Variants in GRAMD1B observed in about 807,000 individuals in gnomAD.
The protein encoded by GRAMD1B is protein Aster-B.
A neutral mutation model predicts 99.7 loss-of-function variants in GRAMD1B; 37 were observed. That is an observed-to-expected ratio of 0.37 (90% confidence interval 0.29 to 0.49). GRAMD1B has a LOEUF of 0.49. Among genes scored for constraint, GRAMD1B ranks in the 20% least tolerant of loss-of-function variants. GRAMD1B has a pLI of 0.98. For synonymous variants in GRAMD1B, 427 were observed against 387.6 expected (o/e 1.10, Z -1.19); for missense variants, 888 against 1,009.2 (o/e 0.88, Z 1.63).
chr11:123,462,131 C>T (rs746862891), intron 1 of GRAMD1B, among the ~76,000 whole-genome samples: 12 of 151,746 alleles, frequency 7.9e-5, no homozygotes, highest in Non-Finnish European at 1.6e-4. Flanking sequence ...CATGCCTGGC[C>T]AATTTTTCTG....
In GRAMD1B at chr11:123,613,507, A is replaced by G. The variant is rs1188854994; in HGVS notation, c.2076A>G (p.Gln692=). The change falls in exon 16 of 20, where the codon CAA becomes CAG. Residue 692 remains glutamine, a synonymous_variant. Coordinates refer to ENST00000635736, the MANE Select transcript of GRAMD1B (RefSeq NM_001387025.1). ...CTTATTTGGCTGAGATGCACAGACA[A>G]TCTCCCAAAGAGAAGGCCAGCAAGA... is the stretch of plus-strand genomic sequence containing the variant. ...ESTYLAEMHR[Q]SPKEKASKTT... 3 of 1,613,282 alleles carry G rather than the reference A, an allele frequency of 1.9e-6. No individual in the cohort carries two copies. The highest frequency in any genetic ancestry group is 2.2e-5 in the East Asian group (1 of 44,854).
chr11:123,480,504 G>A (rs1402853898), intron 1 of GRAMD1B, among the ~76,000 whole-genome samples: 1 of 152,176 alleles, frequency 6.6e-6, no homozygotes, highest in Non-Finnish European at 1.5e-5. Flanking sequence ...AGTGGGTAGA[G>A]AGAATGCTGG....
At chr11:123,491,309 A>C (rs190918316) in intron 2 of GRAMD1B, among the ~76,000 whole-genome samples, 2 of 152,274 alleles carry the variant, frequency 1.3e-5, no homozygotes, top group South Asian at 2.1e-4. Context: ...ATTCTGTTCC[A>C]GAAATATGTC....
At chr11:123,413,875 G>A (rs1209745159) in intron 1 of GRAMD1B, among the ~76,000 whole-genome samples, 1 of 152,300 alleles carries the variant, frequency 6.6e-6, no homozygotes, top group Non-Finnish European at 1.5e-5. Context: ...AGATAGGACT[G>A]TATCTGCAGA....
At chr11:123,475,703 C>G (rs947446860) in intron 1 of GRAMD1B, among the ~76,000 whole-genome samples, 5 of 152,202 alleles carry the variant, frequency 3.3e-5, no homozygotes, top group African/African-American at 1.2e-4. Context: ...ACAGTTTCAT[C>G]TGTTAGTGCC....
At chr11:123,593,959 G>A (rs1056911486) in intron 4 of GRAMD1B, 123 bp from the exon 5 acceptor site, 2 of 703,134 alleles carry the variant, frequency 2.8e-6, no homozygotes, top group Non-Finnish European at 5.2e-6. Flanking sequence ...CCTAGGGTCT[G>A]TGGGAGGGCA....
chr11:123,376,975 C>T (rs1236025148), intron 1 of GRAMD1B, among the ~76,000 whole-genome samples: 2 of 152,162 alleles, frequency 1.3e-5, no homozygotes, highest in Non-Finnish European at 2.9e-5. Flanking sequence ...ATCTTAAACC[C>T]ATAAAAAGTA....
intron 1 of GRAMD1B, among the ~76,000 whole-genome samples, chr11:123,445,368 A>G (rs1949590446): frequency 6.6e-6 from 1 of 152,090 alleles, no homozygotes; most frequent in Non-Finnish European, 1.5e-5. Context: ...GTTGATTTTC[A>G]GGGTTGGATG....
intron 2 of GRAMD1B, 30 bp from the exon 3 acceptor site, chr11:123,577,337 C>A: frequency 1.3e-6 from 2 of 1,538,876 alleles, no homozygotes; most frequent in Non-Finnish European, 1.8e-6. Flanking sequence ...CTCTTTCCAC[C>A]CCGCTCCCTC....
At chr11:123,526,166 C>T (rs1000352545) in intron 2 of GRAMD1B, 2 of 1,613,104 alleles carry the variant, frequency 1.2e-6, no homozygotes, top group Non-Finnish European at 1.7e-6. Context: ...GATTCAAGCT[C>T]TCCTGGTAAG....
At chr11:123,444,739 C>T (rs1011885775) in intron 1 of GRAMD1B, among the ~76,000 whole-genome samples, 2 of 152,120 alleles carry the variant, frequency 1.3e-5, no homozygotes, top group African/African-American at 2.4e-5. Flanking sequence ...CCTGGACACA[C>T]CACCCTCCCA....
chr11:123,561,270 C>T (rs539737816), intron 2 of GRAMD1B, among the ~76,000 whole-genome samples: 1 of 152,308 alleles, frequency 6.6e-6, no homozygotes, highest in African/African-American at 2.4e-5. Flanking sequence ...CTGCTGGCTT[C>T]CCTCCGCAGT....
chr11:123,599,774 G>A (rs934072918), intron 7 of GRAMD1B, among the ~76,000 whole-genome samples: 2 of 152,150 alleles, frequency 1.3e-5, no homozygotes, highest in South Asian at 2.1e-4. Flanking sequence ...CGCTCTGCCT[G>A]GTTTGACCTA....
Position 123,540,029 on chromosome 11 carries a change from T to C in GRAMD1B, c.453-37338T>C, listed in dbSNP as rs149398156. On this transcript the variant is annotated intron_variant, in intron 2 of 19. Transcript: ENST00000635736. ...TATCATTCTGTCTTTTATAACATAT[T>C]AAATCTTCTCTAAGAGTAAAGAGTT... 4.1e-3 allele frequency among the ~76,000 whole-genome samples: 624 copies of C among 152,238 alleles called. 11 individuals carry two copies. The highest frequency in any genetic ancestry group is 0.014 in the African/African-American group (593 of 41,542).
chr11:123,405,654 G>T (rs527860552), intron 1 of GRAMD1B, among the ~76,000 whole-genome samples: 5 of 152,262 alleles, frequency 3.3e-5, no homozygotes, highest in African/African-American at 1.2e-4. Flanking sequence ...CAGAGAATTA[G>T]GAACTTTGGG....
At chr11:123,545,891 C>G (rs896412870) in intron 2 of GRAMD1B, among the ~76,000 whole-genome samples, 1 of 152,204 alleles carries the variant, frequency 6.6e-6, no homozygotes, top group Admixed American at 6.5e-5. Context: ...TGAGCCCAGG[C>G]TAGTCCTCAG....
chr11:123,578,992 C>G (rs1035332685), intron 3 of GRAMD1B, among the ~76,000 whole-genome samples: 1 of 152,208 alleles, frequency 6.6e-6, no homozygotes, highest in African/African-American at 2.4e-5. Flanking sequence ...CCTGGGCACC[C>G]CTTAGCATTT....
intron 2 of GRAMD1B, among the ~76,000 whole-genome samples, chr11:123,505,104 A>G (rs190418555): frequency 3.2e-4 from 48 of 152,228 alleles, no homozygotes; most frequent in Admixed American, 3.0e-3. Flanking sequence ...TTCGGCAAGT[A>G]TCTCCTGTTG....
chr11:123,425,117 G>A (rs965225669), intron 1 of GRAMD1B, among the ~76,000 whole-genome samples: 6 of 152,172 alleles, frequency 3.9e-5, no homozygotes, highest in Non-Finnish European at 8.8e-5. Flanking sequence ...TTTTTCAGAT[G>A]AGAAACTGAG....
Sources: gnomAD v4.1 joint callset for allele counts (sites outside exome capture counted in the v4.1 genomes callset) on GRCh38, gnomAD v4.1.1 for gene constraint, MANE v1.5 for transcripts, NCBI Gene and HGNC (gene_info 2026-07-23, HGNC 2026-07-21) for gene names.